The following STARD3NL variants were observed in gnomAD, a reference collection of about 807,000 sequenced individuals.
The protein encoded by STARD3NL is STARD3 N-terminal-like protein.
Under a neutral mutation model 30.9 loss-of-function variants are expected in STARD3NL, and 17 were observed. That is an observed-to-expected ratio of 0.55 (90% CI 0.38 to 0.82). The LOEUF (loss-of-function observed/expected upper bound fraction) is 0.82. Ranked by LOEUF, STARD3NL falls within the 40% of genes least tolerant of loss-of-function variation. STARD3NL has a pLI of 0.00. For missense variants in STARD3NL, 234 were observed against 277.6 expected, an observed-to-expected ratio of 0.84 and a Z score of 1.12; for synonymous variants, 112 against 100.5, an observed-to-expected ratio of 1.11 and a Z score of -0.69.
intron 7 of STARD3NL, among the ~76,000 whole-genome samples, chr7:38,221,996 T>G (rs888772207): frequency 3.9e-5 from 6 of 152,314 alleles, no homozygotes; most frequent in Admixed American, 3.9e-4. Flanking sequence ...CCTTAGCATG[T>G]TCTTTGGAAC....
intron 7 of STARD3NL, among the ~76,000 whole-genome samples, chr7:38,226,565 G>C (rs1391503410): frequency 6.6e-6 from 1 of 152,184 alleles, no homozygotes; most frequent in African/African-American, 2.4e-5. Flanking sequence ...GTCCTCCCCA[G>C]CTTTTACTTT....
chr7:38,228,728 A>T, intron 7 of STARD3NL, 71 bp from the exon 8 acceptor site: 4 of 1,318,214 alleles, frequency 3.0e-6, no homozygotes, highest in Non-Finnish European at 4.3e-6. Context: ...TTTTAAACCT[A>T]TTTATTTAAA....
chr7:38,192,580 A>T (rs1439895744), intron 1 of STARD3NL, among the ~76,000 whole-genome samples: 1 of 152,216 alleles, frequency 6.6e-6, no homozygotes, highest in Non-Finnish European at 1.5e-5. Flanking sequence ...TTTTACCATG[A>T]TGAAGTGGCT....
In STARD3NL at chr7:38,229,906, TTCTC is replaced by T. The variant is rs1787002188; in HGVS notation, c.*18-13_*18-10del. On this transcript the variant is annotated splice_polypyrimidine_tract_variant and intron_variant, in intron 8 of 8. Transcript: ENST00000009041. Reference sequence around the variant, plus strand: ...ATGCTATTTATTAAATACTTTTGTCTTCTCTCTTTTTCTAAGTGTGAAAAACCCT... The same window carrying T: ...ATGCTATTTATTAAATACTTTTGTCTTCTTTTTCTAAGTGTGAAAAACCCT... 6.6e-6 allele frequency: 1 copy of T among 152,324 alleles called. No individual in the cohort carries two copies. Among genetic ancestry groups the T allele is most frequent in the African/African-American group, 2.4e-5 (1 of 41,460 alleles). 9.4% of individuals were successfully genotyped at this position (152,324 alleles called of 1,614,324 possible). A position where few individuals can be genotyped will look rare whatever the true frequency, so the allele number is the denominator to read the frequency against.
At position 38,214,246 on chromosome 7, in the gene STARD3NL, G is replaced by A. The variant is rs1583817038; in HGVS notation, c.226-111G>A. ...TGAGAGTTCTTTTCTTCGCACTTTA[G>A]CATTTCTGGGTTCTGAGAAGATAGG... is the stretch of plus-strand genomic sequence containing the variant. On this transcript the variant is annotated intron_variant, in intron 2 of 8. Transcript: ENST00000009041. 4 of 663,494 alleles carry A rather than the reference G, an allele frequency of 6.0e-6. No homozygotes were observed. In the East Asian group the frequency reaches 1.1e-4, roughly 18 times the overall value. 41.1% of individuals were successfully genotyped at this position (663,494 alleles called of 1,614,324 possible).
At chr7:38,219,122 C>T (rs1786297367) in intron 6 of STARD3NL, among the ~76,000 whole-genome samples, 1 of 152,230 alleles carries the variant, frequency 6.6e-6, no homozygotes, top group South Asian at 2.1e-4. Flanking sequence ...TCATGGCTCA[C>T]TGCAGCTTTG....
At chr7:38,205,340 T>C (rs1346220480) in intron 1 of STARD3NL, among the ~76,000 whole-genome samples, 2 of 152,090 alleles carry the variant, frequency 1.3e-5, no homozygotes, top group African/African-American at 4.8e-5. Context: ...ATATCTGATA[T>C]ATTTCATAGG....
rs747933458 is a variant in STARD3NL at position 38,215,114 on chromosome 7, G to T, written c.381+9G>T. 1 of 1,613,698 alleles carries T rather than the reference G, an allele frequency of 6.2e-7. No individual in the cohort carries two copies. Among genetic ancestry groups the T allele is most frequent in the Admixed American group, 1.7e-5 (1 of 59,982 alleles). On this transcript the variant is annotated intron_variant, in intron 4 of 8. Transcript: ENST00000009041. Reference sequence around the variant, plus strand: ...ATTGGTGGGCAATAGCGGTGAGTATGCCCTGCATGAGTGGGTCATCTCCTC... The same window carrying T: ...ATTGGTGGGCAATAGCGGTGAGTATTCCCTGCATGAGTGGGTCATCTCCTC...
intron 7 of STARD3NL, among the ~76,000 whole-genome samples, chr7:38,228,138 G>A (rs1786888967): frequency 1.3e-5 from 2 of 152,092 alleles, no homozygotes; most frequent in Admixed American, 1.3e-4. Flanking sequence ...ATAATTTTAA[G>A]TGGATACAAG....
chr7:38,178,545 T>G (rs1784111973), intron 1 of STARD3NL, 125 bp downstream of exon 1: 1 of 152,654 alleles, frequency 6.6e-6, no homozygotes, highest in South Asian at 2.1e-4. Flanking sequence ...CTGTTCTGTT[T>G]CCTGAGTCCT....
chr7:38,216,901 A>C, intron 4 of STARD3NL, 124 bp from the exon 5 acceptor site: 1 of 1,131,720 alleles, frequency 8.8e-7, no homozygotes, highest in Non-Finnish European at 1.3e-6. Flanking sequence ...GGAAGGAGCC[A>C]GGCTAGGCAC....
intron 1 of STARD3NL, among the ~76,000 whole-genome samples, chr7:38,190,089 G>A (rs1365300065): frequency 6.6e-6 from 1 of 152,106 alleles, no homozygotes; most frequent in Non-Finnish European, 1.5e-5. Context: ...CCCCCCCAGG[G>A]GATGCCTGAA....
At chr7:38,204,031 T>TA (rs1785319160) in intron 1 of STARD3NL, among the ~76,000 whole-genome samples, 1 of 152,080 alleles carries the variant, frequency 6.6e-6, no homozygotes, top group South Asian at 2.1e-4. Context: ...CACACAATAA[T>TA]AATGGGAGAT....
chr7:38,227,473 C>T (rs1786836360), intron 7 of STARD3NL, among the ~76,000 whole-genome samples: 1 of 152,226 alleles, frequency 6.6e-6, no homozygotes, highest in Non-Finnish European at 1.5e-5. Flanking sequence ...TTCAGATTAT[C>T]AGGCATTCTT....
At chr7:38,209,102 ATTG>A (rs1456675772) in intron 2 of STARD3NL, among the ~76,000 whole-genome samples, 2 of 152,170 alleles carry the variant, frequency 1.3e-5, no homozygotes, top group Non-Finnish European at 2.9e-5. Flanking sequence ...GCACTGTGGG[ATTG>A]TTAAGTTTTG....
chr7:38,188,227 A>G (rs980331700), intron 1 of STARD3NL, among the ~76,000 whole-genome samples: 2 of 152,150 alleles, frequency 1.3e-5, no homozygotes, highest in African/African-American at 2.4e-5. Flanking sequence ...CTGATCTGTC[A>G]TCATCTGAGG....
intron 1 of STARD3NL, among the ~76,000 whole-genome samples, chr7:38,191,064 T>G (rs1784668040): frequency 6.6e-6 from 1 of 152,172 alleles, no homozygotes; most frequent in Non-Finnish European, 1.5e-5. Flanking sequence ...CCCAATGAAA[T>G]TATTAAATAA....
At chr7:38,196,323 C>T (rs1784895885) in intron 1 of STARD3NL, among the ~76,000 whole-genome samples, 1 of 152,180 alleles carries the variant, frequency 6.6e-6, no homozygotes, top group Non-Finnish European at 1.5e-5. Flanking sequence ...TGGGCACATT[C>T]CCTCTTCTCC....
intron 1 of STARD3NL, among the ~76,000 whole-genome samples, chr7:38,183,294 C>T (rs1784321239): frequency 6.6e-6 from 1 of 152,128 alleles, no homozygotes; most frequent in African/African-American, 2.4e-5. Flanking sequence ...TGTTCCTCAG[C>T]ACTGTTGATA....
Sources: gnomAD v4.1 joint callset for allele counts (sites outside exome capture counted in the v4.1 genomes callset) on GRCh38, gnomAD v4.1.1 for gene constraint, MANE v1.5 for transcripts, NCBI Gene and HGNC (gene_info 2026-07-23, HGNC 2026-07-21) for gene names.